The following PDZD2 variants were observed in gnomAD, a reference collection of about 807,000 sequenced individuals.
PDZD2 encodes the protein PDZ domain-containing protein 2.
In PDZD2, 90 loss-of-function variants were observed where a neutral mutation model predicts 220.7. The ratio of observed to expected loss-of-function variants is 0.41; its 90% CI spans 0.34 to 0.49. PDZD2 has a LOEUF of 0.49. Among genes scored for constraint, PDZD2 ranks in the 20% least tolerant of loss-of-function variants. The pLI is 0.28. For missense variants in PDZD2, 3,174 were observed against 3,608.5 expected (o/e 0.88, Z 3.08); for synonymous variants, 1,375 against 1,450.5 (o/e 0.95, Z 1.18).
chr5:31,906,508 C>A (rs569223604), intron 2 of PDZD2, among the ~76,000 whole-genome samples: 1 of 152,000 alleles, frequency 6.6e-6, no homozygotes, highest in African/African-American at 2.4e-5. Flanking sequence ...CCATGCGCGG[C>A]CTTAGTTTGG....
intron 16 of PDZD2, 98 bp downstream of exon 16, chr5:32,071,516 G>T: frequency 1.1e-6 from 1 of 900,528 alleles, no homozygotes; most frequent in Non-Finnish European, 1.8e-6. Flanking sequence ...CCCTGTTTCT[G>T]CCCATGAGTC....
In PDZD2 at chr5:32,078,638, TA is replaced by T. The variant is rs66500422; in HGVS notation, c.3682+1053del. Among the ~76,000 whole-genome samples the T allele has an allele frequency of 6.0e-3, 633 of 104,920 alleles. 2 individuals carry two copies. The highest frequency in any genetic ancestry group is 8.4e-3 in the Non-Finnish European group (464 of 55,358). 68.8% of individuals were successfully genotyped at this position (104,920 alleles called of 152,430 possible). On this transcript the variant is annotated intron_variant, in intron 19 of 24. Transcript: ENST00000438447. ...TACAGTGAAACTGTGTCTCAAAAAT[TA>T]AAAAAAAAAAAAAAAAAAAAGGAAA...
At chr5:32,030,982 G>A (rs1484126026) in intron 6 of PDZD2, among the ~76,000 whole-genome samples, 1 of 152,086 alleles carries the variant, frequency 6.6e-6, no homozygotes, top group Non-Finnish European at 1.5e-5. Context: ...TTGCCTTCAA[G>A]TCTGTCCGCA....
chr5:31,802,919 C>CA (rs34901917), intron 2 of PDZD2, among the ~76,000 whole-genome samples: 25,198 of 56,072 alleles, frequency 0.45, 6,249 homozygotes, highest in African/African-American at 0.63. Flanking sequence ...GACTCTGTCT[C>CA]AAAAAAAAAA....
rs187129090 is a variant in PDZD2, at chr5:31,675,492, T to C, written c.-361+36055T>C. ...CCTATCAAAGGGATAATAATAATAA[T>C]AGTAGCAATGATTTTGATCTAGGCA... On this transcript the variant is annotated intron_variant, in intron 1 of 24. Transcript: ENST00000438447. Among the ~76,000 whole-genome samples, 31 of 152,248 alleles carry C rather than the reference T, an allele frequency of 2.0e-4. No individual in the cohort carries two copies. In the South Asian group the frequency reaches 5.0e-3, roughly 25 times the overall value.
At chr5:31,914,245 A>C (rs1743470270) in intron 2 of PDZD2, among the ~76,000 whole-genome samples, 1 of 152,194 alleles carries the variant, frequency 6.6e-6, no homozygotes, top group Non-Finnish European at 1.5e-5. Context: ...CAAGATTCTG[A>C]TCCTGGCCGG....
At chr5:32,053,934 G>A (rs770474328) in intron 10 of PDZD2, 51 bp downstream of exon 10, 3 of 1,031,594 alleles carry the variant, frequency 2.9e-6, no homozygotes, top group Non-Finnish European at 4.6e-6. Context: ...GATCCCATGA[G>A]AATCTGCCTC....
rs1227208510 is a variant in PDZD2 at position 32,098,129 on chromosome 5, G to A, written c.7948-235G>A. ...AAAAATTAACTTGGCATAGTGGTGT[G>A]TGCCTATAATCCCAGCTACTCAGGA... On this transcript the variant is annotated intron_variant, in intron 22 of 24. Transcript: ENST00000438447. This position sits in a 1 kb window ranked among gnomAD's most constrained non-coding sequence, Gnocchi z 4.1. 6.6e-6 allele frequency among the ~76,000 whole-genome samples: 1 copy of A among 152,070 alleles called. No homozygotes were observed. The highest frequency in any genetic ancestry group is 1.9e-4 in the East Asian group (1 of 5,180).
intron 2 of PDZD2, among the ~76,000 whole-genome samples, chr5:31,814,904 T>C (rs1755336897): frequency 6.6e-6 from 1 of 151,898 alleles, no homozygotes; most frequent in South Asian, 2.1e-4. Context: ...CAGGCCAAAG[T>C]TCTTCCTATG....
At chr5:32,024,096 CG>C in intron 6 of PDZD2, among the ~76,000 whole-genome samples, 1 of 152,234 alleles carries the variant, frequency 6.6e-6, no homozygotes, top group Non-Finnish European at 1.5e-5. Flanking sequence ...ATGATTGCCC[CG>C]TAGTGCAAGC....
At chr5:31,802,936 A>AG (rs1429281251) in intron 2 of PDZD2, among the ~76,000 whole-genome samples, 2 of 150,624 alleles carry the variant, frequency 1.3e-5, no homozygotes, top group Admixed American at 6.6e-5. Context: ...AAAAAAAAAA[A>AG]AAAAAGACGC....
chr5:31,990,225 G>T (rs896579130), intron 3 of PDZD2, among the ~76,000 whole-genome samples: 7 of 152,208 alleles, frequency 4.6e-5, no homozygotes, highest in Non-Finnish European at 7.3e-5. Flanking sequence ...CAGCAGTAAT[G>T]AGGTCATTTA....
intron 2 of PDZD2, among the ~76,000 whole-genome samples, chr5:31,852,961 G>C (rs2150300832): frequency 6.6e-6 from 1 of 152,286 alleles, no homozygotes; most frequent in Middle Eastern, 3.4e-3. Context: ...TTGAAGGAGT[G>C]GAGAAAGAAG....
At chr5:31,687,558 A>G (rs1746922865) in intron 1 of PDZD2, among the ~76,000 whole-genome samples, 1 of 152,122 alleles carries the variant, frequency 6.6e-6, no homozygotes, top group Non-Finnish European at 1.5e-5. Flanking sequence ...CTGCTTCCAT[A>G]TATTTTGGTA....
chr5:32,052,969 C>T (rs556100954), intron 9 of PDZD2, among the ~76,000 whole-genome samples: 61 of 152,248 alleles, frequency 4.0e-4, no homozygotes, highest in African/African-American at 1.4e-3. Context: ...AGCCATTGCA[C>T]CCAGCCACAC....
At chr5:31,872,104 G>A (rs1333614199) in intron 2 of PDZD2, among the ~76,000 whole-genome samples, 2 of 151,564 alleles carry the variant, frequency 1.3e-5, no homozygotes, top group African/African-American at 2.4e-5. Flanking sequence ...CAGGGCATGT[G>A]TGGTATTTGG....
At chr5:31,737,258 C>T (rs929107739) in intron 1 of PDZD2, among the ~76,000 whole-genome samples, 10 of 149,858 alleles carry the variant, frequency 6.7e-5, no homozygotes, top group African/African-American at 2.2e-4. Context: ...CTGCAAGCTC[C>T]GCCTCTCAGG....
intron 23 of PDZD2, chr5:32,100,821 G>A (rs1167881043): frequency 7.6e-7 from 1 of 1,322,990 alleles, no homozygotes; most frequent in Non-Finnish European, 1.0e-6. Flanking sequence ...GCTTTCTGGG[G>A]ATTTCTGCTT....
At chr5:31,705,484 T>TA (rs1210924958) in intron 1 of PDZD2, among the ~76,000 whole-genome samples, 16 of 152,208 alleles carry the variant, frequency 1.1e-4, no homozygotes, top group African/African-American at 3.9e-4. Flanking sequence ...AACTACCTTG[T>TA]ATTGAGCTCC....
Sources: allele counts gnomAD v4.1 joint callset (sites outside exome capture counted in the v4.1 genomes callset), GRCh38; gene constraint gnomAD v4.1.1; non-coding constraint Gnocchi (gnomAD v3.1); transcripts MANE v1.5; gene names NCBI Gene and HGNC (gene_info 2026-07-23, HGNC 2026-07-21).